The following TRHDE variants were observed in gnomAD, a reference collection of about 807,000 sequenced individuals.
TRHDE encodes thyrotropin releasing hormone degrading enzyme, also known as thyrotropin-releasing hormone-degrading ectoenzyme.
In TRHDE, 72 loss-of-function variants were observed where a neutral mutation model predicts 125.7. That is an observed-to-expected ratio of 0.57 (90% confidence interval 0.47 to 0.70). TRHDE has a LOEUF of 0.70. Among genes scored for constraint, TRHDE ranks in the 30% least tolerant of loss-of-function variants. TRHDE has a pLI of 0.00. For synonymous variants in TRHDE, 509 were observed against 509.1 expected (o/e 1.00, Z 0.00); for missense variants, 1,110 against 1,327.1 (o/e 0.84, Z 2.54).
intron 2 of TRHDE, among the ~76,000 whole-genome samples, chr12:72,336,017 G>A (rs1441670768): frequency 6.6e-6 from 1 of 152,194 alleles, no homozygotes; most frequent in Non-Finnish European, 1.5e-5. Flanking sequence ...CATTTAAGTA[G>A]TTAGGAATGG....
chr12:72,153,728 A>G (rs2139323130), intron 2 of TRHDE, among the ~76,000 whole-genome samples: 1 of 152,246 alleles, frequency 6.6e-6, no homozygotes, highest in South Asian at 2.1e-4. Flanking sequence ...CTTAATCCTG[A>G]GTTCTAGTTT....
chr12:72,161,719 G>A (rs940286891), intron 2 of TRHDE, among the ~76,000 whole-genome samples: 3 of 152,168 alleles, frequency 2.0e-5, no homozygotes, highest in African/African-American at 7.2e-5. Context: ...ATAGGGAGAG[G>A]ATTGGTTTAT....
rs536482799 is a variant in TRHDE at position 72,392,846 on chromosome 12, C to G, written c.1315+14725C>G. 2.2e-3 allele frequency among the ~76,000 whole-genome samples: 329 copies of G among 152,248 alleles called. 1 individual carries two copies. The highest frequency in any genetic ancestry group is 4.3e-3 in the Non-Finnish European group (294 of 68,006). ...GCTTGAGAATCAAACTAAACTGGCACATTTAAAATAACTAGTACATTTTTT... is the reference window on the plus strand; with the variant it reads ...GCTTGAGAATCAAACTAAACTGGCAGATTTAAAATAACTAGTACATTTTTT... On this transcript the variant is annotated intron_variant, in intron 3 of 18. Transcript: ENST00000261180.
At chr12:72,168,452 T>C (rs911310214) in intron 2 of TRHDE, among the ~76,000 whole-genome samples, 10 of 152,206 alleles carry the variant, frequency 6.6e-5, no homozygotes, top group Admixed American at 4.6e-4. Context: ...TGGGGTCATC[T>C]GCTAAAGCTT....
At chr12:72,226,415 G>A (rs556255143) in intron 2 of TRHDE, among the ~76,000 whole-genome samples, 5 of 152,178 alleles carry the variant, frequency 3.3e-5, no homozygotes, top group Admixed American at 1.3e-4. Flanking sequence ...TTTAAACTCC[G>A]ATATATACAA....
chr12:72,113,981 C>T (rs950063996), intron 2 of TRHDE, among the ~76,000 whole-genome samples: 9 of 151,830 alleles, frequency 5.9e-5, no homozygotes, highest in Admixed American at 5.9e-4. Context: ...AAGGTTTTAC[C>T]TTAGATTTTT....
chr12:72,552,562 G>T (rs909533013), intron 7 of TRHDE, among the ~76,000 whole-genome samples: 3 of 152,114 alleles, frequency 2.0e-5, no homozygotes, highest in Non-Finnish European at 4.4e-5. Context: ...CAAGGGAATC[G>T]TGTCACAAAT....
At position 72,187,477 on chromosome 12, in the gene TRHDE, CGTGGTGGTG is replaced by C. The variant is rs1168433112; in HGVS notation, n.279+81748_279+81756del. On this transcript the variant is annotated intron_variant and non_coding_transcript_variant, in intron 2 of 4. Coordinates refer to the TRHDE transcript ENST00000548156. ...TGGTGGTGGTGGTGGTGGTTGTGGT[CGTGGTGGTG>C]GTGGTGGTGGTGGTGGTGGTGGAGG... Among the ~76,000 whole-genome samples, 133 of 104,630 alleles carry C rather than the reference CGTGGTGGTG, an allele frequency of 1.3e-3. 1 individual carries two copies. The highest frequency in any genetic ancestry group is 4.6e-3 in the Middle Eastern group (1 of 218). The allele number at this position is 104,630 out of a possible 152,430, so 68.6% of individuals were successfully genotyped here. A position where few individuals can be genotyped will look rare whatever the true frequency, so the allele number is the denominator to read the frequency against.
rs571020045 is a variant in TRHDE at position 72,547,690 on chromosome 12, A to G, written c.1788+5334A>G. Among the ~76,000 whole-genome samples the G allele has an allele frequency of 2.0e-5, 3 of 151,854 alleles. No individual in the cohort carries two copies. In the East Asian group the frequency reaches 5.8e-4, roughly 29 times the overall value. On this transcript the variant is annotated intron_variant, in intron 7 of 18. Transcript: ENST00000261180. ...TTTTGATTTAAGACCACCTCTATAC[A>G]GGACATCTGGAAAGCAAGATTATGT...
At chr12:72,637,062 A>G (rs1169814597) in intron 15 of TRHDE, among the ~76,000 whole-genome samples, 1 of 152,154 alleles carries the variant, frequency 6.6e-6, no homozygotes, top group African/African-American at 2.4e-5. Context: ...TGATTGGAAT[A>G]GTTTCAGAAG....
At chr12:72,270,191 A>G (rs903490515), upstream of TRHDE, among the ~76,000 whole-genome samples, 3 of 152,222 alleles carry the variant, frequency 2.0e-5, no homozygotes, top group African/African-American at 7.2e-5. Flanking sequence ...ATGGACAGCA[A>G]GAGTACAGAC....
At chr12:72,090,848 A>G (rs745456041) in intron 1 of TRHDE, among the ~76,000 whole-genome samples, 2 of 150,594 alleles carry the variant, frequency 1.3e-5, no homozygotes, top group Admixed American at 6.6e-5. Context: ...GATTGGATTT[A>G]TTTCCCTTGG....
At chr12:72,390,685 C>CT (rs1197875350) in intron 3 of TRHDE, among the ~76,000 whole-genome samples, 6 of 152,212 alleles carry the variant, frequency 3.9e-5, no homozygotes, top group African/African-American at 1.4e-4. Context: ...TCAGACCTTA[C>CT]CATTGTAAAG....
chr12:72,566,217 CTT>C (rs941955654), intron 9 of TRHDE, among the ~76,000 whole-genome samples: 14 of 151,932 alleles, frequency 9.2e-5, no homozygotes, highest in Non-Finnish European at 2.9e-5. Flanking sequence ...TAACTTGGAA[CTT>C]TTAATTTGTC....
chr12:72,410,947 C>T (rs1437694917), intron 3 of TRHDE, among the ~76,000 whole-genome samples: 1 of 151,950 alleles, frequency 6.6e-6, no homozygotes, highest in Admixed American at 6.6e-5. Context: ...AATCCCAGCC[C>T]TTTGGGAGGC....
intron 5 of TRHDE, among the ~76,000 whole-genome samples, chr12:72,474,080 A>G (rs558329163): frequency 3.9e-5 from 6 of 152,156 alleles, no homozygotes; most frequent in South Asian, 2.1e-4. Flanking sequence ...ACATACATAT[A>G]TGTATATATT....
intron 12 of TRHDE, among the ~76,000 whole-genome samples, chr12:72,597,550 C>A (rs1871994686): frequency 6.6e-6 from 1 of 150,554 alleles, no homozygotes; most frequent in Non-Finnish European, 1.5e-5. Flanking sequence ...TGCCTGTAAT[C>A]CCAGCTATTC....
chr12:72,200,341 G>A (rs1592480692), intron 2 of TRHDE, among the ~76,000 whole-genome samples: 1 of 152,268 alleles, frequency 6.6e-6, no homozygotes, highest in South Asian at 2.1e-4. Context: ...TAAATATAAT[G>A]TTCAAACCTC....
At chr12:72,497,616 T>C (rs1382848150) in intron 5 of TRHDE, among the ~76,000 whole-genome samples, 2 of 152,150 alleles carry the variant, frequency 1.3e-5, no homozygotes, top group Non-Finnish European at 2.9e-5. Flanking sequence ...ATTGGTCAAG[T>C]TGAAGTATAA....
Sources: gnomAD v4.1 joint callset for allele counts (sites outside exome capture counted in the v4.1 genomes callset) on GRCh38, gnomAD v4.1.1 for gene constraint, MANE v1.5 for transcripts, NCBI Gene and HGNC (gene_info 2026-07-23, HGNC 2026-07-21) for gene names.